Variants in ITFG1 observed in about 807,000 individuals in gnomAD.
The protein encoded by ITFG1 is integrin alpha FG-GAP repeat containing 1, also known as T-cell immunomodulatory protein.
A neutral mutation model predicts 81.8 loss-of-function variants in ITFG1; 34 were observed. That is an observed-to-expected ratio of 0.42 (90% CI 0.32 to 0.55). ITFG1 has a LOEUF of 0.55. ITFG1 is among the 20% of genes least tolerant of loss of function. ITFG1 has a pLI of 0.17. For synonymous variants in ITFG1, 285 were observed against 270.6 expected (o/e 1.05, Z -0.52); for missense variants, 672 against 755.4 (o/e 0.89, Z 1.29).
At chr16:47,379,583 G>A (rs1449705203) in intron 6 of ITFG1, among the ~76,000 whole-genome samples, 3 of 151,870 alleles carry the variant, frequency 2.0e-5, no homozygotes, top group Non-Finnish European at 4.4e-5. Context: ...AGCTACTCAG[G>A]AGGCTGATGC....
intron 6 of ITFG1, 91 bp from the exon 7 acceptor site, chr16:47,376,031 A>G (rs1968319930): frequency 1.5e-6 from 1 of 672,374 alleles, no homozygotes; most frequent in Non-Finnish European, 2.6e-6. Context: ...CATTAAAAGA[A>G]TTGACACAAT....
intron 10 of ITFG1, chr16:47,263,051 T>A (rs1230746099): frequency 4.5e-6 from 1 of 220,700 alleles, no homozygotes; most frequent in African/African-American, 2.3e-5. Context: ...AGAATGGCTG[T>A]TGGCTCGGCA....
At chr16:47,260,166 T>C (rs556488767) in intron 11 of ITFG1, among the ~76,000 whole-genome samples, 2 of 152,180 alleles carry the variant, frequency 1.3e-5, no homozygotes, top group South Asian at 2.1e-4. Context: ...ATTGATCTCC[T>C]GACCTCATGA....
intron 14 of ITFG1, among the ~76,000 whole-genome samples, chr16:47,195,965 C>G (rs1211339126): frequency 2.0e-5 from 3 of 152,116 alleles, no homozygotes; most frequent in African/African-American, 7.2e-5. Context: ...GTATTTCTCC[C>G]TCACTTTAAA....
chr16:47,260,149 G>A (rs1293681004), intron 11 of ITFG1, among the ~76,000 whole-genome samples: 1 of 152,072 alleles, frequency 6.6e-6, no homozygotes, highest in East Asian at 1.9e-4. Context: ...GTGTTAGCCA[G>A]GATGGTATTG....
At chr16:47,258,798 ATGACC>A in intron 11 of ITFG1, 58 bp from the exon 12 acceptor site, 2 of 705,238 alleles carry the variant, frequency 2.8e-6, no homozygotes, top group Non-Finnish European at 4.6e-6. Flanking sequence ...TAAAAAAAAA[ATGACC>A]ATTAAAATGC....
At chr16:47,219,411 A>G (rs1163609646) in intron 13 of ITFG1, among the ~76,000 whole-genome samples, 2 of 152,154 alleles carry the variant, frequency 1.3e-5, no homozygotes, top group Non-Finnish European at 2.9e-5. Flanking sequence ...TAGAGAATAC[A>G]TTATTTTTCA....
At chr16:47,219,024 G>A (rs1233524957) in intron 13 of ITFG1, 78 bp from the exon 14 acceptor site, 2 of 959,622 alleles carry the variant, frequency 2.1e-6, no homozygotes, top group Non-Finnish European at 3.0e-6. Flanking sequence ...CTCTTTCAAA[G>A]CAAAAAATTC....
chr16:47,348,991 T>A (rs142650345), intron 8 of ITFG1, among the ~76,000 whole-genome samples: 2,335 of 152,172 alleles, frequency 0.015, 25 homozygotes, highest in Non-Finnish European at 0.023. Flanking sequence ...AATAAAATAC[T>A]TTACAGACAA....
At chr16:47,327,194 T>G (rs1207222723) in intron 8 of ITFG1, among the ~76,000 whole-genome samples, 13 of 152,314 alleles carry the variant, frequency 8.5e-5, no homozygotes, top group Non-Finnish European at 1.8e-4. Flanking sequence ...ATCTGATCTT[T>G]GACAAACCTG....
intron 6 of ITFG1, among the ~76,000 whole-genome samples, chr16:47,402,885 C>T (rs1180085475): frequency 6.6e-6 from 1 of 152,074 alleles, no homozygotes; most frequent in African/African-American, 2.4e-5. Flanking sequence ...ATACTTCATG[C>T]AACAACTACA....
At chr16:47,439,123 G>C (rs749068299) in intron 5 of ITFG1, among the ~76,000 whole-genome samples, 4 of 152,128 alleles carry the variant, frequency 2.6e-5, no homozygotes, top group Non-Finnish European at 5.9e-5. Context: ...AGCGTGAATA[G>C]AAGTTTAGAG....
At chr16:47,205,833 TATC>T (rs1965489197) in intron 14 of ITFG1, among the ~76,000 whole-genome samples, 1 of 23,092 alleles carries the variant, frequency 4.3e-5, no homozygotes, top group Non-Finnish European at 8.9e-5. Context: ...TTAAATTATC[TATC>T]TATCTATCTA....
chr16:47,167,824 T>C (rs564550044), intron 14 of ITFG1, among the ~76,000 whole-genome samples: 8 of 152,314 alleles, frequency 5.3e-5, no homozygotes, highest in South Asian at 4.1e-4. Flanking sequence ...CATCCAGCTG[T>C]TGATGGCCAT....
intron 10 of ITFG1, among the ~76,000 whole-genome samples, chr16:47,262,443 TG>T (rs1350765410): frequency 6.6e-6 from 1 of 152,216 alleles, no homozygotes; most frequent in Non-Finnish European, 1.5e-5. Context: ...TTCACAGAGA[TG>T]TAGCACACTC....
Position 47,324,510 on chromosome 16 carries a change from T to C in ITFG1, c.803-10687A>G, listed in dbSNP as rs951031317. On this transcript the variant is annotated intron_variant, in intron 8 of 17. Coordinates refer to ENST00000320640, the MANE Select transcript of ITFG1 (RefSeq NM_030790.5). Reference sequence around the variant, plus strand: ...AATATTAACTTTAAATGTAAATGGGTTAAATGCTCCAATTAAAAGGCACGG... The same window carrying C: ...AATATTAACTTTAAATGTAAATGGGCTAAATGCTCCAATTAAAAGGCACGG... Among the ~76,000 whole-genome samples the C allele has an allele frequency of 1.4e-3, 220 of 152,046 alleles. 2 individuals are homozygous for C. Among genetic ancestry groups the C allele is most frequent in the African/African-American group, 5.0e-3 (209 of 41,456 alleles).
At chr16:47,224,874 C>T (rs1965739185) in intron 13 of ITFG1, among the ~76,000 whole-genome samples, 1 of 152,134 alleles carries the variant, frequency 6.6e-6, no homozygotes, top group Non-Finnish European at 1.5e-5. Flanking sequence ...TGGCAAGTGC[C>T]TGTGGTCCCA....
chr16:47,384,251 T>C (rs1171207868), intron 6 of ITFG1, among the ~76,000 whole-genome samples: 1 of 152,220 alleles, frequency 6.6e-6, no homozygotes, highest in Non-Finnish European at 1.5e-5. Context: ...ATACAGGTGG[T>C]CAGCTAAGGT....
intron 13 of ITFG1, among the ~76,000 whole-genome samples, chr16:47,237,405 T>TC (rs563106029): frequency 9.8e-5 from 15 of 152,292 alleles, no homozygotes; most frequent in Admixed American, 8.5e-4. Flanking sequence ...CCCAAACAGT[T>TC]CCCTGTACAC....
Sources: gnomAD v4.1 joint callset for allele counts (sites outside exome capture counted in the v4.1 genomes callset) on GRCh38, gnomAD v4.1.1 for gene constraint, MANE v1.5 for transcripts, NCBI Gene and HGNC (gene_info 2026-07-23, HGNC 2026-07-21) for gene names.